The following EGLN3 variants were observed in gnomAD, a reference collection of about 807,000 sequenced individuals.
EGLN3 encodes the protein prolyl hydroxylase EGLN3.
EGLN3 carries 15 observed loss-of-function variants against 26.0 expected under a neutral mutation model. That is an observed-to-expected ratio of 0.58 (90% CI 0.39 to 0.89). EGLN3 has a LOEUF of 0.89. Ranked by LOEUF, EGLN3 falls within the 40% of genes least tolerant of loss-of-function variation. The pLI is 0.00. For synonymous variants in EGLN3, 147 were observed against 127.2 expected, an observed-to-expected ratio of 1.16 and a Z score of -1.05; for missense variants, 238 against 311.6, an observed-to-expected ratio of 0.76 and a Z score of 1.78.
chr14:33,935,726 C>T (rs1399609479), intron 1 of EGLN3, among the ~76,000 whole-genome samples: 4 of 152,068 alleles, frequency 2.6e-5, no homozygotes, highest in African/African-American at 2.4e-5. Flanking sequence ...TGGGCACCTT[C>T]CCCATCTCTC....
chr14:33,928,107 A>G (rs1196354448), intron 3 of EGLN3, among the ~76,000 whole-genome samples: 1 of 152,108 alleles, frequency 6.6e-6, no homozygotes, highest in African/African-American at 2.4e-5. Context: ...ATAACCAAAG[A>G]CTTCTGCCAC....
At chr14:33,933,925 T>A (rs2064422139) in intron 1 of EGLN3, among the ~76,000 whole-genome samples, 1 of 152,172 alleles carries the variant, frequency 6.6e-6, no homozygotes, top group Non-Finnish European at 1.5e-5. Context: ...AATTTAATGA[T>A]CATATAACAA....
intron 1 of EGLN3, among the ~76,000 whole-genome samples, chr14:33,938,604 A>C (rs2064458832): frequency 6.6e-6 from 1 of 152,230 alleles, no homozygotes; most frequent in Admixed American, 6.5e-5. Context: ...CCCAGTCACC[A>C]GAGAAATGTT....
At chr14:33,926,353 G>T (rs2064362344) in intron 4 of EGLN3, among the ~76,000 whole-genome samples, 1 of 152,156 alleles carries the variant, frequency 6.6e-6, no homozygotes, top group Non-Finnish European at 1.5e-5. Context: ...GGATCTCTTA[G>T]CGCCTTAATT....
At chr14:33,947,495 C>G (rs963409370) in intron 1 of EGLN3, among the ~76,000 whole-genome samples, 2 of 152,130 alleles carry the variant, frequency 1.3e-5, no homozygotes, top group Non-Finnish European at 2.9e-5. Context: ...CTGTTTTACT[C>G]CCAATATCTT....
Position 33,943,251 on chromosome 14 carries a change from T to G in EGLN3, c.357+7145A>C, listed in dbSNP as rs146938216. Among the ~76,000 whole-genome samples, 579 of 152,324 alleles carry G rather than the reference T, an allele frequency of 3.8e-3. 6 individuals carry two copies. The highest frequency in any genetic ancestry group is 0.013 in the African/African-American group (543 of 41,574). ...GCCCAATCAACGGCTCCTGGCAATC[T>G]GCCAAAGCTGAACTCCTTAGTCTGG... On this transcript the variant is annotated intron_variant, in intron 1 of 4. Transcript: ENST00000250457.
At chr14:33,947,003 T>G (rs1038296138) in intron 1 of EGLN3, among the ~76,000 whole-genome samples, 9 of 152,234 alleles carry the variant, frequency 5.9e-5, no homozygotes, top group Admixed American at 3.9e-4. Flanking sequence ...ATAGTATTTG[T>G]AAAGTGCATA....
chr14:33,926,896 T>C (rs567085064), intron 4 of EGLN3, 64 bp downstream of exon 4: 14 of 1,260,294 alleles, frequency 1.1e-5, no homozygotes, highest in Middle Eastern at 2.0e-4. Flanking sequence ...TAAAACTACA[T>C]AAAATTGAAT....
Position 33,950,256 on chromosome 14 carries a change from G to A in EGLN3, c.357+140C>T. The A allele has an allele frequency of 3.7e-6, 3 of 801,494 alleles. No individual in the cohort carries two copies. In the East Asian group the frequency reaches 7.6e-5, roughly 20 times the overall value. 49.6% of individuals were successfully genotyped at this position (801,494 alleles called of 1,614,324 possible). A position where few individuals can be genotyped will look rare whatever the true frequency, so the allele number is the denominator to read the frequency against. ...CTGGGGCGAGGGGTGGGGGGAAGCA[G>A]CGAGTAGAGACAAACCAGGCTGACT... On this transcript the variant is annotated intron_variant, in intron 1 of 4. Transcript: ENST00000250457.
chr14:33,935,434 T>C (rs536703469), intron 1 of EGLN3, among the ~76,000 whole-genome samples: 1 of 152,246 alleles, frequency 6.6e-6, no homozygotes, highest in Non-Finnish European at 1.5e-5. Context: ...AGAACTCTGG[T>C]GTGTGTTATG....
chr14:33,949,971 T>C (rs2064545511), intron 1 of EGLN3: 1 of 342,034 alleles, frequency 2.9e-6, no homozygotes, highest in Admixed American at 4.4e-5. Flanking sequence ...AGAAATCTCT[T>C]CTGACCACAA....
At chr14:33,949,048 C>T (rs920787009) in intron 1 of EGLN3, 7 of 152,298 alleles carry the variant, frequency 4.6e-5, no homozygotes, top group East Asian at 1.9e-4. Context: ...GTTCAGCTCA[C>T]GCGGAATTTT....
intron 1 of EGLN3, among the ~76,000 whole-genome samples, chr14:33,942,785 A>G (rs1216655703): frequency 6.6e-6 from 1 of 152,228 alleles, no homozygotes; most frequent in East Asian, 1.9e-4. Flanking sequence ...CATTTTGTAA[A>G]GAAAAACTAA....
At position 33,939,185 on chromosome 14, in the gene EGLN3, G is replaced by GA. The variant is rs1450065020; in HGVS notation, c.358-7971dup. ...ACGAAGTTACCAATCAAAATGTCATGAAAAATGCCTTGAAACAATCATCTT... is the reference window on the plus strand; with the variant it reads ...ACGAAGTTACCAATCAAAATGTCATGAAAAAATGCCTTGAAACAATCATCTT... On this transcript the variant is annotated intron_variant, in intron 1 of 4. Coordinates refer to ENST00000250457, the MANE Select transcript of EGLN3 (RefSeq NM_022073.4). Among the ~76,000 whole-genome samples the GA allele has an allele frequency of 2.6e-5, 4 of 151,546 alleles. No homozygotes were observed. The East Asian group carries it at 5.8e-4, about 22-fold the overall frequency.
chr14:33,931,613 A>G (rs2064404429), intron 1 of EGLN3, among the ~76,000 whole-genome samples: 1 of 152,228 alleles, frequency 6.6e-6, no homozygotes, highest in African/African-American at 2.4e-5. Context: ...TTTAGGGATT[A>G]TGACTGTTTA....
chr14:33,951,074 G>A lies in EGLN3; in HGVS notation c.-322C>T. On this transcript the variant is annotated 5_prime_UTR_variant, in exon 1 of 5. Coordinates refer to ENST00000250457, the MANE Select transcript of EGLN3 (RefSeq NM_022073.4). The stretch of plus-strand genomic sequence containing the variant: ...GCCACCACTGCCGCGACTGCGGCCA[G>A]ACTCCGGGAGACGCTGAGGTCCGGC... 1 of 297,130 alleles carries A rather than the reference G, an allele frequency of 3.4e-6. No individual in the cohort carries two copies. The highest frequency in any genetic ancestry group is 6.2e-6 in the Non-Finnish European group (1 of 160,720). 18.4% of individuals were successfully genotyped at this position (297,130 alleles called of 1,614,324 possible).
At chr14:33,934,965 C>G (rs190051780) in intron 1 of EGLN3, among the ~76,000 whole-genome samples, 64 of 152,320 alleles carry the variant, frequency 4.2e-4, no homozygotes, top group Non-Finnish European at 7.8e-4. Context: ...GAGCTTTAAA[C>G]TAGTATTCTG....
intron 1 of EGLN3, among the ~76,000 whole-genome samples, chr14:33,934,039 C>T (rs139604836): frequency 6.6e-6 from 1 of 152,292 alleles, no homozygotes; most frequent in East Asian, 1.9e-4. Flanking sequence ...GAAGTTTACG[C>T]AAGTTTAACA....
Position 33,937,796 on chromosome 14 carries a change from C to A in EGLN3, c.358-6581G>T, listed in dbSNP as rs532957948. Among the ~76,000 whole-genome samples, 6 of 152,320 alleles carry A rather than the reference C, an allele frequency of 3.9e-5. No individual in the cohort carries two copies. The South Asian group carries it at 8.3e-4, about 21-fold the overall frequency. ...AAGGTAGAACAACGGTCATCACATA[C>A]CTACACCTGAATTTTCTAATATTGT... is the stretch of plus-strand genomic sequence containing the variant. On this transcript the variant is annotated intron_variant, in intron 1 of 4. Transcript: ENST00000250457.
Sources: allele counts gnomAD v4.1 joint callset (sites outside exome capture counted in the v4.1 genomes callset), GRCh38; gene constraint gnomAD v4.1.1; transcripts MANE v1.5; gene names NCBI Gene and HGNC (gene_info 2026-07-23, HGNC 2026-07-21).